The following CHST11 variants were observed in gnomAD, a reference collection of about 807,000 sequenced individuals.
CHST11 encodes C4S-1.
CHST11 carries 9 observed loss-of-function variants against 30.4 expected under a neutral mutation model. That is an observed-to-expected ratio of 0.30 (90% CI 0.18 to 0.52). The LOEUF (loss-of-function observed/expected upper bound fraction) is 0.52. CHST11 is among the 20% of genes least tolerant of loss of function. The pLI is 0.97. For missense variants in CHST11, 348 were observed against 460.6 expected (o/e 0.76, Z 2.24); for synonymous variants, 152 against 187.8 (o/e 0.81, Z 1.56).
chr12:104,527,980 C>T (rs981129322), intron 1 of CHST11, among the ~76,000 whole-genome samples: 2 of 152,170 alleles, frequency 1.3e-5, no homozygotes, highest in African/African-American at 4.8e-5. Flanking sequence ...GGGAAACCAC[C>T]CCCATGATCC....
In CHST11 at chr12:104,626,797, G is replaced by A. The variant is rs117593940; in HGVS notation, c.204+24806G>A. 7.7e-3 allele frequency among the ~76,000 whole-genome samples: 1,165 copies of A among 151,764 alleles called. 57 individuals carry two copies. The East Asian group carries it at 0.12, about 15-fold the overall frequency. ...CCCCCAGACATGCACGGCCTCCCCC[G>A]TCATCAGCATCCTCCACTGAAGTGG... On this transcript the variant is annotated intron_variant, in intron 2 of 2. Transcript: ENST00000303694.
At chr12:104,626,494 G>C (rs1345117693) in intron 2 of CHST11, among the ~76,000 whole-genome samples, 1 of 149,772 alleles carries the variant, frequency 6.7e-6, no homozygotes, top group Non-Finnish European at 1.5e-5. Context: ...GATTGGGGCA[G>C]AGCACATGAA....
chr12:104,650,227 G>A (rs1379190631), intron 2 of CHST11, among the ~76,000 whole-genome samples: 2 of 152,182 alleles, frequency 1.3e-5, no homozygotes, highest in Admixed American at 6.5e-5. Flanking sequence ...ATGGAAAAGT[G>A]GACTTGATGA....
At chr12:104,534,368 C>T (rs78363877) in intron 1 of CHST11, among the ~76,000 whole-genome samples, 5,774 of 152,232 alleles carry the variant, frequency 0.038, 385 homozygotes, top group African/African-American at 0.13. Context: ...GCAATTCTCA[C>T]GACTTAGCCT....
At chr12:104,588,994 A>T (rs2038832009) in intron 1 of CHST11, 1 of 152,210 alleles carries the variant, frequency 6.6e-6, no homozygotes. Flanking sequence ...GAATAACGAA[A>T]TTCTCATACA....
intron 1 of CHST11, among the ~76,000 whole-genome samples, chr12:104,585,555 A>C (rs753367508): frequency 3.9e-5 from 6 of 152,218 alleles, no homozygotes; most frequent in Non-Finnish European, 5.9e-5. Flanking sequence ...AGTCCCCACA[A>C]CAACTCTACT....
intron 2 of CHST11, among the ~76,000 whole-genome samples, chr12:104,720,178 C>T (rs1204438659): frequency 1.3e-5 from 2 of 152,276 alleles, no homozygotes; most frequent in Non-Finnish European, 2.9e-5. Flanking sequence ...GCAGGCAGGA[C>T]AGCTCCCCGA....
chr12:104,473,264 G>A (rs904964659), intron 1 of CHST11, among the ~76,000 whole-genome samples: 2 of 152,168 alleles, frequency 1.3e-5, no homozygotes, highest in African/African-American at 4.8e-5. Flanking sequence ...GAGCTTAAAG[G>A]CACTCTGTAG....
intron 1 of CHST11, among the ~76,000 whole-genome samples, chr12:104,504,227 C>G (rs2037880202): frequency 6.6e-6 from 1 of 152,212 alleles, no homozygotes; most frequent in South Asian, 2.1e-4. Flanking sequence ...CATAGTTTTG[C>G]AGCGGCAGAA....
At chr12:104,709,011 C>G (rs751946576) in intron 2 of CHST11, among the ~76,000 whole-genome samples, 2 of 151,014 alleles carry the variant, frequency 1.3e-5, no homozygotes, top group Non-Finnish European at 3.0e-5. Context: ...ATCCTGGGCC[C>G]AAGGACAGAG....
chr12:104,544,358 A>T (rs1054260076), intron 1 of CHST11, among the ~76,000 whole-genome samples: 2 of 152,076 alleles, frequency 1.3e-5, no homozygotes, highest in Admixed American at 6.6e-5. Context: ...GTCAAAATTA[A>T]AAAATTGGTG....
At chr12:104,566,906 T>C (rs189268683) in intron 1 of CHST11, among the ~76,000 whole-genome samples, 47 of 152,124 alleles carry the variant, frequency 3.1e-4, no homozygotes, top group Admixed American at 8.5e-4. Context: ...TTTATAGTTA[T>C]AGAAATTGAG....
chr12:104,494,758 A>G (rs913578040), intron 1 of CHST11, among the ~76,000 whole-genome samples: 2 of 152,160 alleles, frequency 1.3e-5, no homozygotes, highest in African/African-American at 4.8e-5. Flanking sequence ...TAAACAATTC[A>G]GGGTGTTTTG....
chr12:104,648,942 T>G (rs2039463998), intron 2 of CHST11, among the ~76,000 whole-genome samples: 1 of 152,198 alleles, frequency 6.6e-6, no homozygotes, highest in Admixed American at 6.5e-5. Flanking sequence ...CTGCCTGAAC[T>G]GCAGTGGAAG....
At chr12:104,611,315 C>T (rs892676622) in intron 2 of CHST11, among the ~76,000 whole-genome samples, 3 of 152,154 alleles carry the variant, frequency 2.0e-5, no homozygotes, top group African/African-American at 4.8e-5. Flanking sequence ...AGCACATCTC[C>T]ATTGGGACAG....
intron 1 of CHST11, among the ~76,000 whole-genome samples, chr12:104,570,193 A>G (rs1472206961): frequency 6.6e-6 from 1 of 152,100 alleles, no homozygotes; most frequent in Admixed American, 6.5e-5. Flanking sequence ...GTTCTGTTTC[A>G]CAAGAGCCAG....
chr12:104,628,985 A>G (rs2039245679), intron 2 of CHST11, among the ~76,000 whole-genome samples: 1 of 152,332 alleles, frequency 6.6e-6, no homozygotes, highest in Middle Eastern at 3.4e-3. Context: ...ATGGATGGAC[A>G]AGCTGGGAGC....
At chr12:104,589,996 G>A (rs967321195) in intron 1 of CHST11, among the ~76,000 whole-genome samples, 23 of 150,812 alleles carry the variant, frequency 1.5e-4, no homozygotes, top group African/African-American at 4.0e-4. Context: ...GCAACAAAGC[G>A]AGACTCTGTC....
chr12:104,475,849 T>C (rs2037555398), intron 1 of CHST11, among the ~76,000 whole-genome samples: 1 of 144,402 alleles, frequency 6.9e-6, no homozygotes, highest in Admixed American at 7.1e-5. Context: ...GTCAAGAGAT[T>C]TTTCCTGGGT....
Sources: allele counts gnomAD v4.1 joint callset (sites outside exome capture counted in the v4.1 genomes callset), GRCh38; gene constraint gnomAD v4.1.1; transcripts MANE v1.5; gene names NCBI Gene and HGNC (gene_info 2026-07-23, HGNC 2026-07-21).